Variants in STYX observed in about 807,000 individuals in gnomAD.
The protein encoded by STYX is serine/threonine/tyrosine interacting protein.
STYX carries 20 observed loss-of-function variants against 42.7 expected under a neutral mutation model. The observed-to-expected ratio is 0.47, with a 90% CI of 0.33 to 0.68. The LOEUF (loss-of-function observed/expected upper bound fraction) is 0.68, where lower values mean the gene tolerates loss of function less well. Among genes scored for constraint, STYX ranks in the 30% least tolerant of loss-of-function variants. STYX has a pLI of 0.02. For synonymous variants in STYX, 78 were observed against 81.9 expected, an observed-to-expected ratio of 0.95 and a Z score of 0.26; for missense variants, 226 against 268.5, an observed-to-expected ratio of 0.84 and a Z score of 1.11.
chr14:52,760,802 A>T (rs1010350534), intron 9 of STYX, among the ~76,000 whole-genome samples: 2 of 151,446 alleles, frequency 1.3e-5, no homozygotes, highest in African/African-American at 2.4e-5. Flanking sequence ...CATTTTTTTT[A>T]AACTATTTTT....
chr14:52,765,770 G>A (rs1368907932), intron 9 of STYX, among the ~76,000 whole-genome samples: 1 of 152,150 alleles, frequency 6.6e-6, no homozygotes, highest in African/African-American at 2.4e-5. Flanking sequence ...GCATACCATA[G>A]GGAGGGATAG....
Position 52,752,627 on chromosome 14 carries a change from T to G in STYX, c.242+1847T>G, listed in dbSNP as rs199963112. ...ATGAAATATATGTATGTGTTTGGAT[T>G]TGGGATGATCTCCAAGATAATGCAT... On this transcript the variant is annotated intron_variant, in intron 4 of 10. Coordinates refer to ENST00000354586, the MANE Select transcript of STYX (RefSeq NM_145251.4). 1.1e-4 allele frequency among the ~76,000 whole-genome samples: 16 copies of G among 152,218 alleles called. No homozygotes were observed. The East Asian group carries it at 2.9e-3, about 28-fold the overall frequency.
At chr14:52,735,940 C>T (rs1880928781) in intron 1 of STYX, among the ~76,000 whole-genome samples, 1 of 152,086 alleles carries the variant, frequency 6.6e-6, no homozygotes, top group South Asian at 2.1e-4. Flanking sequence ...CATGAATTTC[C>T]ATTGTTTTGA....
At position 52,757,879 on chromosome 14, in the gene STYX, C is replaced by G; in HGVS notation, c.386C>G (p.Ala129Gly). The G allele has an allele frequency of 8.1e-6, 13 of 1,612,634 alleles. No homozygotes were observed. The highest frequency in any genetic ancestry group is 1.1e-5 in the Non-Finnish European group (13 of 1,179,740). The stretch of plus-strand genomic sequence containing the variant: ...AATTATTTTCCCCTCTTCAGTGCAG[C>G]CTTTGTTATTGCATACATTATGGAA... The part of the protein sequence containing the change: ...HGNAGISRSA[A>G]FVIAYIMETF... The change falls in exon 8 of 11, where the codon GCC (alanine) becomes GGC (glycine). Residue 129 changes from alanine to glycine, a missense_variant. By Grantham distance (60) the Ala-to-Gly change is moderately conservative. Coordinates refer to ENST00000354586, the MANE Select transcript of STYX (RefSeq NM_145251.4).
chr14:52,764,615 G>C (rs1450042409), intron 9 of STYX, among the ~76,000 whole-genome samples: 2 of 142,340 alleles, frequency 1.4e-5, no homozygotes, highest in Non-Finnish European at 3.1e-5. Flanking sequence ...AAATTTTTTG[G>C]TGTGTTTATG....
chr14:52,731,433 CT>C (rs34855760), intron 1 of STYX, among the ~76,000 whole-genome samples: 257 of 105,622 alleles, frequency 2.4e-3, no homozygotes, highest in African/African-American at 6.1e-3. Context: ...TGGAGGTTCA[CT>C]TTTTTTTTTT....
At chr14:52,770,464 T>C (rs143619822) in intron 10 of STYX, among the ~76,000 whole-genome samples, 193 of 152,184 alleles carry the variant, frequency 1.3e-3, no homozygotes, top group African/African-American at 4.5e-3. Flanking sequence ...AGAGATAGCT[T>C]TGATTCTATG....
Position 52,773,315 on chromosome 14 carries a change from G to GCATA in STYX, c.*2209_*2210insCATA, listed in dbSNP as rs1882585232. The GCATA allele has an allele frequency of 7.3e-6, 1 of 137,344 alleles. No individual in the cohort carries two copies. The highest frequency in any genetic ancestry group is 2.6e-5 in the African/African-American group (1 of 38,170). The allele number at this position is 137,344 out of a possible 1,614,324, so 8.5% of individuals were successfully genotyped here. A position where few individuals can be genotyped will look rare whatever the true frequency, so the allele number is the denominator to read the frequency against. ...TGTCATCATCTTGAGTACTCTGTGT[G>GCATA]TATATATATATATATAGATAGATAG... On this transcript the variant is annotated 3_prime_UTR_variant, in exon 11 of 11. Coordinates refer to ENST00000354586, the MANE Select transcript of STYX (RefSeq NM_145251.4).
chr14:52,757,170 A>G (rs1211564739), intron 5 of STYX, 149 bp from the exon 6 acceptor site: 3 of 555,156 alleles, frequency 5.4e-6, no homozygotes, highest in Non-Finnish European at 5.9e-6. Context: ...TGGACTTGTA[A>G]TAGTTCTATT....
At chr14:52,757,000 T>A (rs751149340) in intron 5 of STYX, among the ~76,000 whole-genome samples, 16 of 152,216 alleles carry the variant, frequency 1.1e-4, no homozygotes, top group Non-Finnish European at 2.2e-4. Context: ...TTAATTGTGC[T>A]TGTAAAGCTT....
intron 9 of STYX, among the ~76,000 whole-genome samples, chr14:52,763,744 T>C (rs1418180914): frequency 6.6e-6 from 1 of 152,196 alleles, no homozygotes; most frequent in Non-Finnish European, 1.5e-5. Context: ...ATGTAGTTGT[T>C]TTCATGAATT....
At chr14:52,766,470 G>GT (rs1175400635) in intron 9 of STYX, among the ~76,000 whole-genome samples, 9 of 151,988 alleles carry the variant, frequency 5.9e-5, no homozygotes, top group East Asian at 1.9e-4. Flanking sequence ...ACCTGGCTTA[G>GT]TTTTTTAAAT....
In STYX at chr14:52,752,786, A is replaced by G. The variant is rs76059696; in HGVS notation, c.242+2006A>G. Among the ~76,000 whole-genome samples, 778 of 152,012 alleles carry G rather than the reference A, an allele frequency of 5.1e-3. 6 individuals carry two copies. The highest frequency in any genetic ancestry group is 0.045 in the East Asian group (231 of 5,186). The stretch of plus-strand genomic sequence containing the variant: ...TCTGGACCAAGAGGCTAGAAACTTC[A>G]TAGTGATTGCTTCTAAGAAGGAAAA... On this transcript the variant is annotated intron_variant, in intron 4 of 10. Coordinates refer to ENST00000354586, the MANE Select transcript of STYX (RefSeq NM_145251.4).
Position 52,730,434 on chromosome 14 carries a change from A to C in STYX, c.-41A>C, listed in dbSNP as rs765000198. 9 of 1,607,814 alleles carry C rather than the reference A, an allele frequency of 5.6e-6. No homozygotes were observed. In the Admixed American group the frequency reaches 1.5e-4, roughly 27 times the overall value. ...CAGCCCGAGGGTCGGCCGGCTGTGT[A>C]ACACTCTCCCACCCCACCCACCAGC... is the stretch of plus-strand genomic sequence containing the variant. On this transcript the variant is annotated 5_prime_UTR_variant, in exon 1 of 11. Coordinates refer to ENST00000354586, the MANE Select transcript of STYX (RefSeq NM_145251.4).
chr14:52,753,477 C>T (rs574094213), intron 4 of STYX, among the ~76,000 whole-genome samples: 5 of 152,254 alleles, frequency 3.3e-5, no homozygotes, highest in South Asian at 2.1e-4. Flanking sequence ...TAAGCCACTA[C>T]GCTCAGCCGA....
intron 3 of STYX, among the ~76,000 whole-genome samples, chr14:52,749,185 G>A (rs1372174820): frequency 2.6e-5 from 4 of 152,082 alleles, no homozygotes; most frequent in Non-Finnish European, 5.9e-5. Flanking sequence ...ACGGCCAAGA[G>A]AACGAGTTCT....
chr14:52,735,895 GAA>G (rs1474084742), intron 1 of STYX, among the ~76,000 whole-genome samples: 2 of 152,188 alleles, frequency 1.3e-5, no homozygotes, highest in African/African-American at 4.8e-5. Flanking sequence ...GTCAGTTTGT[GAA>G]AAGATTGTTA....
chr14:52,741,226 A>AT (rs201773174), intron 1 of STYX, among the ~76,000 whole-genome samples: 13,477 of 101,040 alleles, frequency 0.13, 713 homozygotes, highest in Non-Finnish European at 0.15. Flanking sequence ...ATATATATAT[A>AT]TATATTTTTT....
chr14:52,767,975 G>A (rs1882375505), intron 9 of STYX, among the ~76,000 whole-genome samples: 1 of 152,050 alleles, frequency 6.6e-6, no homozygotes, highest in African/African-American at 2.4e-5. Context: ...ACAGCCTGCT[G>A]CTTGCAAAAA....
Sources: allele counts gnomAD v4.1 joint callset (sites outside exome capture counted in the v4.1 genomes callset), GRCh38; gene constraint gnomAD v4.1.1; transcripts MANE v1.5; gene names NCBI Gene and HGNC (gene_info 2026-07-23, HGNC 2026-07-21).